The following PKIB variants were observed in gnomAD, a reference collection of about 807,000 sequenced individuals.
PKIB encodes PKI-beta.
PKIB carries 2 observed loss-of-function variants against 4.5 expected under a neutral mutation model. That is an observed-to-expected ratio of 0.44 (90% CI 0.18 to 1.39). The LOEUF (loss-of-function observed/expected upper bound fraction) is 1.39, where lower values mean the gene tolerates loss of function less well. PKIB is among the 40% of genes most tolerant of loss of function. PKIB has a pLI of 0.27. For missense variants in PKIB, 94 were observed against 92.6 expected (o/e 1.02, Z -0.06); for synonymous variants, 38 against 36.0 (o/e 1.06, Z -0.20).
intron 3 of PKIB, among the ~76,000 whole-genome samples, chr6:122,691,877 G>A (rs1211078361): frequency 1.3e-5 from 2 of 152,128 alleles, no homozygotes; most frequent in Non-Finnish European, 2.9e-5. Context: ...TGGGTATTGT[G>A]ATCTAAGGCA....
intron 2 of PKIB, among the ~76,000 whole-genome samples, chr6:122,541,330 C>T (rs1342248579): frequency 6.6e-6 from 1 of 151,918 alleles, no homozygotes; most frequent in African/African-American, 2.4e-5. Context: ...CCGGTTGTTC[C>T]TTTCCATGTT....
chr6:122,593,545 C>A (rs1021630043), intron 3 of PKIB, among the ~76,000 whole-genome samples: 3 of 152,098 alleles, frequency 2.0e-5, no homozygotes, highest in African/African-American at 7.2e-5. Flanking sequence ...ACGTGAATTC[C>A]AGAGCACAGC....
chr6:122,687,014 T>C (rs1331927939), intron 3 of PKIB, among the ~76,000 whole-genome samples: 2 of 152,196 alleles, frequency 1.3e-5, no homozygotes, highest in Non-Finnish European at 2.9e-5. Flanking sequence ...CCTGTGCTTG[T>C]GAGTTATTAC....
At chr6:122,682,267 G>T (rs981518415) in intron 3 of PKIB, among the ~76,000 whole-genome samples, 1 of 152,104 alleles carries the variant, frequency 6.6e-6, no homozygotes, top group African/African-American at 2.4e-5. Flanking sequence ...TTGTCAGGCG[G>T]CTGGCCAGTA....
At chr6:122,670,507 G>GTTGTTGTTGTTA (rs71730063) in intron 2 of PKIB, among the ~76,000 whole-genome samples, 1 of 135,252 alleles carries the variant, frequency 7.4e-6, no homozygotes, top group Non-Finnish European at 1.7e-5. Context: ...TTTTGTTGTT[G>GTTGTTGTTGTTA]TTGTTGTTGT....
At chr6:122,483,922 A>G (rs1277607828) in intron 2 of PKIB, 1 of 152,214 alleles carries the variant, frequency 6.6e-6, no homozygotes, top group Admixed American at 6.5e-5. Context: ...CTTCAGCACA[A>G]AGTAATCCTT....
chr6:122,619,597 T>G (rs937249443), intron 1 of PKIB, among the ~76,000 whole-genome samples: 2 of 152,088 alleles, frequency 1.3e-5, no homozygotes, highest in Non-Finnish European at 2.9e-5. Context: ...CTGCTCCCCC[T>G]TCATCCACAT....
chr6:122,563,036 C>G (rs1464853793), intron 2 of PKIB, among the ~76,000 whole-genome samples: 3 of 151,746 alleles, frequency 2.0e-5, no homozygotes, highest in African/African-American at 7.3e-5. Context: ...TGTTGAAGAG[C>G]TTTTTTTTGT....
chr6:122,689,881 G>A (rs1405107904), intron 3 of PKIB, among the ~76,000 whole-genome samples: 1 of 151,968 alleles, frequency 6.6e-6, no homozygotes, highest in East Asian at 1.9e-4. Context: ...ATTATGTTGG[G>A]AGTCTATCTC....
intron 2 of PKIB, among the ~76,000 whole-genome samples, chr6:122,521,541 G>A (rs948507330): frequency 2.0e-5 from 3 of 152,004 alleles, no homozygotes; most frequent in African/African-American, 7.2e-5. Flanking sequence ...TTAGCTGGGC[G>A]TGGTGGTGGG....
At chr6:122,567,618 A>G (rs1356789999) in intron 2 of PKIB, among the ~76,000 whole-genome samples, 2 of 152,238 alleles carry the variant, frequency 1.3e-5, no homozygotes, top group Non-Finnish European at 2.9e-5. Context: ...TAAATCTGAA[A>G]TACTATTAAA....
At chr6:122,517,336 T>A (rs1776791876) in intron 2 of PKIB, among the ~76,000 whole-genome samples, 1 of 152,342 alleles carries the variant, frequency 6.6e-6, no homozygotes, top group African/African-American at 2.4e-5. Flanking sequence ...AAAATATTGT[T>A]CTTTTATAAG....
At chr6:122,520,664 C>A (rs1776909192) in intron 2 of PKIB, among the ~76,000 whole-genome samples, 1 of 45,360 alleles carries the variant, frequency 2.2e-5, no homozygotes, top group African/African-American at 8.7e-5. Flanking sequence ...TTTATGTTCC[C>A]ACCCCCCCCC....
At chr6:122,548,534 G>C (rs1772575140) in intron 2 of PKIB, among the ~76,000 whole-genome samples, 1 of 152,140 alleles carries the variant, frequency 6.6e-6, no homozygotes, top group African/African-American at 2.4e-5. Flanking sequence ...ACAGTGTTGT[G>C]AAAGTTATAC....
intron 2 of PKIB, among the ~76,000 whole-genome samples, chr6:122,566,576 T>G: frequency 6.6e-6 from 1 of 152,114 alleles, no homozygotes; most frequent in South Asian, 2.1e-4. Context: ...AATATAGGCC[T>G]ACTCCCAGAA....
intron 2 of PKIB, among the ~76,000 whole-genome samples, chr6:122,652,117 C>G (rs1274506966): frequency 6.6e-6 from 1 of 152,018 alleles, no homozygotes; most frequent in Non-Finnish European, 1.5e-5. Context: ...AAAGCTTATC[C>G]TTAAAAATTC....
chr6:122,635,672 T>C (rs1306447439), intron 2 of PKIB, among the ~76,000 whole-genome samples: 1 of 152,038 alleles, frequency 6.6e-6, no homozygotes, highest in Non-Finnish European at 1.5e-5. Context: ...ATTCTAGGAA[T>C]GTTAAAGTGG....
At chr6:122,684,878 A>C (rs1778036976) in intron 3 of PKIB, among the ~76,000 whole-genome samples, 1 of 152,190 alleles carries the variant, frequency 6.6e-6, no homozygotes, top group African/African-American at 2.4e-5. Context: ...AAGTTGTAAA[A>C]TAAGAAAAAT....
intron 2 of PKIB, among the ~76,000 whole-genome samples, chr6:122,555,998 T>G (rs1415973374): frequency 6.6e-6 from 1 of 152,198 alleles, no homozygotes; most frequent in East Asian, 1.9e-4. Context: ...GATGATATGG[T>G]CTGGTTCTGT....
Sources: gnomAD v4.1 joint callset for allele counts (sites outside exome capture counted in the v4.1 genomes callset) on GRCh38, gnomAD v4.1.1 for gene constraint, MANE v1.5 for transcripts, NCBI Gene and HGNC (gene_info 2026-07-23, HGNC 2026-07-21) for gene names.